SKIC3: variants seen among roughly 807,000 people sequenced by gnomAD.
The protein encoded by SKIC3 is SKI3 subunit of superkiller complex, also known as superkiller complex protein 3.
chr5:95,526,002 A>T, the SKIC3 span, among the ~76,000 whole-genome samples: 1 of 152,144 alleles, frequency 6.6e-6, no homozygotes, highest in Non-Finnish European at 1.5e-5. Flanking sequence ...TGATTTTGAC[A>T]CAAATCCCAG....
chr5:95,546,593 T>G, the SKIC3 span, among the ~76,000 whole-genome samples: 1 of 152,126 alleles, frequency 6.6e-6, no homozygotes, highest in African/African-American at 2.4e-5. Flanking sequence ...TGGATCCCAG[T>G]GTGTCTCTCA....
chr5:95,495,510 A>G, the SKIC3 span: 1 of 155,430 alleles, frequency 6.4e-6, no homozygotes, highest in Non-Finnish European at 1.4e-5. Flanking sequence ...CATTAGGTCA[A>G]TTTGAAATCT....
At chr5:95,472,444 T>C in the SKIC3 span, among the ~76,000 whole-genome samples, 148 of 152,310 alleles carry the variant, frequency 9.7e-4, 1 homozygote, top group Middle Eastern at 3.4e-3. Context: ...CCTGTTTATA[T>C]GCTTCTAGAC....
chr5:95,471,006 C>A, the SKIC3 span, among the ~76,000 whole-genome samples: 16 of 152,146 alleles, frequency 1.1e-4, no homozygotes, highest in African/African-American at 3.6e-4. Context: ...TATATATAGT[C>A]TATTTCAAAC....
the SKIC3 span, chr5:95,537,173 C>G: frequency 6.4e-7 from 1 of 1,553,200 alleles, no homozygotes; most frequent in Non-Finnish European, 8.9e-7. Context: ...TCATCTGTAT[C>G]ATACTTAAAT....
At chr5:95,547,053 C>G in the SKIC3 span, 2 of 1,611,180 alleles carry the variant, frequency 1.2e-6, no homozygotes, top group East Asian at 4.5e-5. Flanking sequence ...GAAAAAAATA[C>G]TGGTTACCTT....
At chr5:95,482,449 C>G in the SKIC3 span, 1 of 1,612,104 alleles carries the variant, frequency 6.2e-7, no homozygotes, top group Non-Finnish European at 8.5e-7. Context: ...ATTGAGGACT[C>G]AAGTAAGAAA....
the SKIC3 span, chr5:95,464,361 C>A: frequency 4.5e-6 from 2 of 445,292 alleles, no homozygotes; most frequent in Non-Finnish European, 4.1e-6. Flanking sequence ...TGTTAAGCAA[C>A]CAAGGCAATA....
At chr5:95,522,598 G>T in the SKIC3 span, among the ~76,000 whole-genome samples, 27 of 151,980 alleles carry the variant, frequency 1.8e-4, 1 homozygote, top group Middle Eastern at 3.4e-3. Flanking sequence ...ACCAGGACAG[G>T]TGTCCATCTC....
At chr5:95,490,903 C>T in the SKIC3 span, 22 of 1,613,842 alleles carry the variant, frequency 1.4e-5, no homozygotes, top group African/African-American at 2.7e-5. Context: ...CTTTTAAAAA[C>T]TTACTTGAAG....
At chr5:95,503,077 T>C in the SKIC3 span, 1 of 1,578,564 alleles carries the variant, frequency 6.3e-7, no homozygotes, top group Non-Finnish European at 8.6e-7. Context: ...GATTTTTCCT[T>C]TCCAAATTTT....
chr5:95,531,332 G>T, the SKIC3 span, among the ~76,000 whole-genome samples: 2 of 152,134 alleles, frequency 1.3e-5, no homozygotes, highest in Non-Finnish European at 2.9e-5. Flanking sequence ...TAAAACTTCA[G>T]TATATTTGGC....
chr5:95,545,869 T>A, the SKIC3 span, among the ~76,000 whole-genome samples: 1 of 152,158 alleles, frequency 6.6e-6, no homozygotes, highest in Non-Finnish European at 1.5e-5. Flanking sequence ...CACTCTGGCC[T>A]CTCAGTTATG....
At chr5:95,488,228 G>T in the SKIC3 span, among the ~76,000 whole-genome samples, 1 of 151,968 alleles carries the variant, frequency 6.6e-6, no homozygotes, top group Non-Finnish European at 1.5e-5. Context: ...AAGGCAAAAA[G>T]AAAACATAAT....
At chr5:95,510,457 C>T in the SKIC3 span, among the ~76,000 whole-genome samples, 2 of 152,222 alleles carry the variant, frequency 1.3e-5, no homozygotes, top group African/African-American at 4.8e-5. Context: ...AGGAGTCATA[C>T]AGCTGGAGGC....
the SKIC3 span, chr5:95,513,782 A>G: frequency 4.3e-4 from 304 of 707,690 alleles, no homozygotes; most frequent in African/African-American, 5.1e-3. Context: ...TTTCACTTCT[A>G]TTGTTATTAT....
chr5:95,504,954 G>A, the SKIC3 span, among the ~76,000 whole-genome samples: 1 of 151,934 alleles, frequency 6.6e-6, no homozygotes, highest in East Asian at 1.9e-4. Flanking sequence ...GCAATGAGCC[G>A]AGATTGCATC....
the SKIC3 span, among the ~76,000 whole-genome samples, chr5:95,522,807 T>A: frequency 4.6e-5 from 7 of 152,176 alleles, no homozygotes; most frequent in Non-Finnish European, 8.8e-5. Flanking sequence ...TACATTTAAG[T>A]ACTGTTCAAA....
the SKIC3 span, among the ~76,000 whole-genome samples, chr5:95,483,855 T>C: frequency 3.9e-5 from 6 of 152,186 alleles, no homozygotes; most frequent in Non-Finnish European, 5.9e-5. Context: ...AATCCTGGCA[T>C]GTAAAAACAG....
Sources: allele counts gnomAD v4.1 joint callset (sites outside exome capture counted in the v4.1 genomes callset), GRCh38; gene constraint gnomAD v4.1.1; transcripts MANE v1.5; gene names NCBI Gene and HGNC (gene_info 2026-07-23, HGNC 2026-07-21).